Variants in SLC29A3 observed in about 807,000 individuals in gnomAD.
SLC29A3 encodes the protein equilibrative nucleoside transporter 3.
A neutral mutation model predicts 25.4 loss-of-function variants in SLC29A3; 18 were observed. That is an observed-to-expected ratio of 0.71 (90% CI 0.49 to 1.05). The LOEUF (loss-of-function observed/expected upper bound fraction) is 1.05, where lower values mean the gene tolerates loss of function less well. Ranked by LOEUF, SLC29A3 falls within the 50% of genes least tolerant of loss-of-function variation. SLC29A3 has a pLI of 0.00. For synonymous variants in SLC29A3, 258 were observed against 267.1 expected (o/e 0.97, Z 0.33); for missense variants, 586 against 609.0 (o/e 0.96, Z 0.40).
At chr10:71,359,360 A>G (rs1309875663) in intron 5 of SLC29A3, among the ~76,000 whole-genome samples, 4 of 152,200 alleles carry the variant, frequency 2.6e-5, no homozygotes, top group Non-Finnish European at 4.4e-5. Flanking sequence ...CGCCCGTCCT[A>G]CATTTGGGAG....
In SLC29A3 at chr10:71,362,181, A is replaced by C; in HGVS notation, c.1001A>C (p.Asn334Thr). ...PAICTNIESL[N>T]KGSGSLWTTK... ...ATCTGCACCAACATCGAGTCCCTCA[A>C]CAAGGGTTCGGGCTCACTGTGGACC... The change falls in exon 6 of 6, where the codon AAC becomes ACC. Residue 334 changes from asparagine (N) to threonine (T), a missense_variant. Transcript: ENST00000373189. The C allele has an allele frequency of 6.2e-7, 1 of 1,614,100 alleles. No homozygotes were observed. Among genetic ancestry groups the C allele is most frequent in the Non-Finnish European group, 8.5e-7 (1 of 1,179,992 alleles).
chr10:71,331,614 G>T (rs7100381), intron 2 of SLC29A3, among the ~76,000 whole-genome samples: 12,043 of 152,160 alleles, frequency 0.079, 671 homozygotes, highest in African/African-American at 0.16. Context: ...AAGAAAGAAG[G>T]CAACAAAGGA....
At chr10:71,356,012 G>T in intron 4 of SLC29A3, 69 bp from the exon 5 acceptor site, 4 of 1,567,312 alleles carry the variant, frequency 2.6e-6, no homozygotes, top group Non-Finnish European at 3.5e-6. Context: ...AACCCAAGCA[G>T]GGAGGGGCCC....
At chr10:71,373,867 G>A (rs1273655826) in intron 3 of SLC29A3, among the ~76,000 whole-genome samples, 2 of 152,206 alleles carry the variant, frequency 1.3e-5, no homozygotes, top group Non-Finnish European at 2.9e-5. Context: ...TGCAAGGAAT[G>A]GCTGTTTGCA....
chr10:71,334,762 C>G (rs1186972121), intron 2 of SLC29A3, among the ~76,000 whole-genome samples: 1 of 152,172 alleles, frequency 6.6e-6, no homozygotes. Context: ...CAGCCTCCCC[C>G]CATCCCCATT....
chr10:71,362,279 G>T lies in SLC29A3; in HGVS notation c.1099G>T (p.Ala367Ser). 1 of 1,614,054 alleles carries T rather than the reference G, an allele frequency of 6.2e-7. No homozygotes were observed. The highest frequency in any genetic ancestry group is 8.5e-7 in the Non-Finnish European group (1 of 1,180,004). The change falls in exon 6 of 6, where the codon GCC becomes TCC. Residue 367 changes from alanine to serine, a missense_variant. Physicochemically the swap from Ala to Ser is moderately conservative, Grantham distance 99. Transcript: ENST00000373189. ...FADLCGRQLTAWIQVPGPNSK... is the reference protein window; with the variant it reads ...FADLCGRQLTSWIQVPGPNSK... ...TGACCTATGTGGCCGGCAGCTCACCGCCTGGATCCAGGTGCCAGGGCCCAA... is the reference window on the plus strand; with the variant it reads ...TGACCTATGTGGCCGGCAGCTCACCTCCTGGATCCAGGTGCCAGGGCCCAA...
chr10:71,356,217 G>A lies in SLC29A3; in HGVS notation c.747G>A (p.Leu249=). 6.2e-7 allele frequency: 1 copy of A among 1,613,948 alleles called. No homozygotes were observed. ...TCGTGCTCTGCATGGGACTCTACCT[G>A]CTGCTGTCCAGGCTGGAGTATGCCA... ...VFLVLCMGLY[L]LLSRLEYARY... The change falls in exon 5 of 6, where the codon CTG becomes CTA. Residue 249 remains leucine (L), a synonymous_variant. Transcript: ENST00000373189.
chr10:71,329,269 T>C (rs960600552), intron 2 of SLC29A3, among the ~76,000 whole-genome samples: 3 of 152,100 alleles, frequency 2.0e-5, no homozygotes, highest in Admixed American at 6.6e-5. Flanking sequence ...CTTGGCACGC[T>C]CAGCCCTGGC....
chr10:71,379,576 C>T (rs10762438), intron 4 of SLC29A3, among the ~76,000 whole-genome samples: 65,448 of 152,106 alleles, frequency 0.43, 17,539 homozygotes, highest in Non-Finnish European at 0.59. Flanking sequence ...TCTGAAGCAA[C>T]TAATAGGCTC....
intron 3 of SLC29A3, among the ~76,000 whole-genome samples, chr10:71,349,296 G>A (rs1367444838): frequency 6.6e-6 from 1 of 152,090 alleles, no homozygotes. Context: ...GGATCTAGGG[G>A]ATCTCCTCTG....
intron 2 of SLC29A3, among the ~76,000 whole-genome samples, chr10:71,326,987 T>C (rs1243348873): frequency 6.6e-6 from 1 of 152,194 alleles, no homozygotes; most frequent in Admixed American, 6.5e-5. Flanking sequence ...TCCTCCTCTC[T>C]TCCTGATTTC....
rs1846907849 is a variant in SLC29A3, at chr10:71,356,244, G to A, written c.773+1G>A. ...TGCTGTCCAGGCTGGAGTATGCCAGGTGAAGGTGCCACTCACTGTCCATGC... is the reference window on the plus strand; with the variant it reads ...TGCTGTCCAGGCTGGAGTATGCCAGATGAAGGTGCCACTCACTGTCCATGC... On this transcript the variant is annotated splice_donor_variant, in intron 5 of 5. Coordinates refer to ENST00000373189, the MANE Select transcript of SLC29A3 (RefSeq NM_018344.6). LOFTEE classifies it high-confidence loss of function. 2 of 1,613,114 alleles carry A rather than the reference G, an allele frequency of 1.2e-6. No individual in the cohort carries two copies. Among genetic ancestry groups the A allele is most frequent in the East Asian group, 4.5e-5 (2 of 44,880 alleles).
chr10:71,344,490 T>C (rs1173777374), intron 3 of SLC29A3, among the ~76,000 whole-genome samples, 199 bp downstream of exon 3: 2 of 152,216 alleles, frequency 1.3e-5, no homozygotes, highest in Non-Finnish European at 2.9e-5. Flanking sequence ...GGGCTGTCAC[T>C]CTCCAGCCAC....
intron 2 of SLC29A3, among the ~76,000 whole-genome samples, chr10:71,331,300 A>T (rs60161290): frequency 6.6e-6 from 1 of 152,066 alleles, no homozygotes; most frequent in South Asian, 2.1e-4. Context: ...ATCGTGGAGG[A>T]TGGGGGGAGA....
chr10:71,329,334 T>G (rs186288045), intron 2 of SLC29A3, among the ~76,000 whole-genome samples: 174 of 151,824 alleles, frequency 1.1e-3, no homozygotes, highest in African/African-American at 4.0e-3. Context: ...TGCGTGTGCC[T>G]GTAATCCCAG....
intron 3 of SLC29A3, among the ~76,000 whole-genome samples, chr10:71,350,314 C>CGTGTGTGTGTGTGTGTGT (rs775651402): frequency 2.8e-5 from 4 of 142,472 alleles, no homozygotes; most frequent in Non-Finnish European, 6.1e-5. Flanking sequence ...TTCACACCTA[C>CGTGTGTGTGTGTGTGTGT]GTGTGTGTGT....
intron 2 of SLC29A3, among the ~76,000 whole-genome samples, chr10:71,325,283 A>T (rs1315923184): frequency 6.6e-6 from 1 of 152,156 alleles, no homozygotes; most frequent in East Asian, 1.9e-4. Flanking sequence ...CTGCAGCTAC[A>T]CATGTGGGTC....
intron 4 of SLC29A3, among the ~76,000 whole-genome samples, chr10:71,355,202 A>G (rs1471973138): frequency 6.6e-6 from 1 of 152,212 alleles, no homozygotes; most frequent in East Asian, 1.9e-4. Flanking sequence ...AAGTCAGAGA[A>G]GCCACGTTAC....
intron 3 of SLC29A3, among the ~76,000 whole-genome samples, chr10:71,348,500 G>A (rs1161529514): frequency 1.3e-5 from 2 of 152,248 alleles, no homozygotes; most frequent in Non-Finnish European, 2.9e-5. Context: ...TCCTGACTCA[G>A]GCTCCATGCC....
Sources: gnomAD v4.1 joint callset for allele counts (sites outside exome capture counted in the v4.1 genomes callset) on GRCh38, gnomAD v4.1.1 for gene constraint, MANE v1.5 for transcripts, NCBI Gene and HGNC (gene_info 2026-07-23, HGNC 2026-07-21) for gene names.